Variants in PIP4K2B observed in about 807,000 individuals in gnomAD.
PIP4K2B encodes phosphatidylinositol 5-phosphate 4-kinase type-2 beta.
PIP4K2B carries 3 observed loss-of-function variants against 42.0 expected under a neutral mutation model. That is an observed-to-expected ratio of 0.07 (90% CI 0.03 to 0.18). The LOEUF (loss-of-function observed/expected upper bound fraction) is 0.18. PIP4K2B is among the 10% of genes least tolerant of loss of function. The pLI, the probability that PIP4K2B is intolerant of heterozygous loss-of-function variation, is 1.00. For synonymous variants in PIP4K2B, 204 were observed against 210.1 expected (o/e 0.97, Z 0.25); for missense variants, 332 against 562.3 (o/e 0.59, Z 4.14).
At position 38,796,485 on chromosome 17, in the gene PIP4K2B, C is replaced by A. The variant is rs113995232; in HGVS notation, c.159+2781G>T. ...AGGCCATCTCTTCCCTAATTCCAAA[C>A]CCTCGGAACTGTATTTCATCCACTA... is the stretch of plus-strand genomic sequence containing the variant. On this transcript the variant is annotated intron_variant, in intron 1 of 9. Coordinates refer to ENST00000619039, the MANE Select transcript of PIP4K2B (RefSeq NM_003559.5). 7.4e-3 allele frequency among the ~76,000 whole-genome samples: 1,130 copies of A among 152,274 alleles called. 13 individuals are homozygous for A. The highest frequency in any genetic ancestry group is 0.026 in the African/African-American group (1,071 of 41,544).
chr17:38,769,009 G>C lies in PIP4K2B; in HGVS notation c.*682C>G, dbSNP rs1339736239. ...CCTCTGAGATCTCTGATTCTGATCT[G>C]AGATCTCTGGTGTTGACCTGGTGTA... On this transcript the variant is annotated 3_prime_UTR_variant, in exon 10 of 10. Transcript: ENST00000619039. 2 of 152,664 alleles carry C rather than the reference G, an allele frequency of 1.3e-5. No individual in the cohort carries two copies. The highest frequency in any genetic ancestry group is 2.9e-5 in the Non-Finnish European group (2 of 68,084). 9.5% of individuals were successfully genotyped at this position (152,664 alleles called of 1,614,324 possible).
intron 7 of PIP4K2B, chr17:38,776,624 T>C: frequency 2.3e-6 from 1 of 444,320 alleles, no homozygotes; most frequent in Non-Finnish European, 4.5e-6. Flanking sequence ...AACGAGAATC[T>C]CCTAAAAAAA....
intron 1 of PIP4K2B, among the ~76,000 whole-genome samples, chr17:38,793,763 C>G (rs1053480579): frequency 2.0e-5 from 3 of 151,688 alleles, no homozygotes; most frequent in African/African-American, 7.3e-5. Flanking sequence ...CCCAGCTACT[C>G]GGGTGGCTAA....
chr17:38,784,072 G>A (rs1909863246), intron 3 of PIP4K2B, among the ~76,000 whole-genome samples, 171 bp downstream of exon 3: 2 of 152,138 alleles, frequency 1.3e-5, no homozygotes, highest in Non-Finnish European at 2.9e-5. Flanking sequence ...TAAGGCCCTC[G>A]CCCTGCAAGG....
intron 3 of PIP4K2B, among the ~76,000 whole-genome samples, chr17:38,781,264 T>A (rs1439759501): frequency 6.6e-6 from 1 of 151,968 alleles, no homozygotes; most frequent in Non-Finnish European, 1.5e-5. Flanking sequence ...GGAGCTTTCC[T>A]GGCTGTATCC....
intron 7 of PIP4K2B, chr17:38,776,113 G>A (rs1382639182): frequency 7.2e-6 from 3 of 415,004 alleles, no homozygotes; most frequent in Non-Finnish European, 1.4e-5. Context: ...TGGGATTACA[G>A]GCGTGCACCA....
chr17:38,794,969 G>A lies in PIP4K2B; in HGVS notation c.159+4297C>T, dbSNP rs192094937. Among the ~76,000 whole-genome samples, 12 of 151,396 alleles carry A rather than the reference G, an allele frequency of 7.9e-5. No individual in the cohort carries two copies. In the East Asian group the frequency reaches 1.6e-3, roughly 20 times the overall value. ...ACAAAAATTAGCCTGGTGTGGTGGC[G>A]GGCACCTGTAATCCCAGTTACTCAG... On this transcript the variant is annotated intron_variant, in intron 1 of 9. Transcript: ENST00000619039.
intron 9 of PIP4K2B, 23 bp downstream of exon 9, chr17:38,770,413 G>A: frequency 6.7e-7 from 1 of 1,487,692 alleles, no homozygotes; most frequent in Non-Finnish European, 9.4e-7. Context: ...GCTGGGCCCT[G>A]GATGAAGATG....
Position 38,799,537 on chromosome 17 carries a change from A to G in PIP4K2B, c.-113T>C. 8.0e-7 allele frequency: 1 copy of G among 1,244,626 alleles called. No individual in the cohort carries two copies. Among genetic ancestry groups the G allele is most frequent in the Non-Finnish European group, 1.0e-6 (1 of 992,708 alleles). 77.1% of individuals were successfully genotyped at this position (1,244,626 alleles called of 1,614,324 possible). On this transcript the variant is annotated 5_prime_UTR_variant, in exon 1 of 10. The change abolishes an upstream ATG in the 5' untranslated region. Coordinates refer to ENST00000619039, the MANE Select transcript of PIP4K2B (RefSeq NM_003559.5). This position sits in a 1 kb window ranked among gnomAD's most constrained non-coding sequence, Gnocchi z 4.4. ...CCCACCCCCGCTCCCTCACCGCGCCATGGTCGCGCCCGTCCCGTTACCTCC... is the reference window on the plus strand; with the variant it reads ...CCCACCCCCGCTCCCTCACCGCGCCGTGGTCGCGCCCGTCCCGTTACCTCC...
rs771690562 is a variant in PIP4K2B, at chr17:38,799,232, G to A, written c.159+34C>T. The A allele has an allele frequency of 6.4e-7, 1 of 1,554,228 alleles. No individual in the cohort carries two copies. Among genetic ancestry groups the A allele is most frequent in the South Asian group, 1.2e-5 (1 of 84,918 alleles). ...TGCAGGGGGCGTGGGAGCGCGCGGG[G>A]CCGCGCTCAGAGGGGCGCGCAGGAG... is the stretch of plus-strand genomic sequence containing the variant. On this transcript the variant is annotated intron_variant, in intron 1 of 9. Coordinates refer to ENST00000619039, the MANE Select transcript of PIP4K2B (RefSeq NM_003559.5). The surrounding 1 kb of genome is among the most constrained non-coding windows in gnomAD (Gnocchi z 4.4).
chr17:38,795,730 G>A (rs1326892220), intron 1 of PIP4K2B, among the ~76,000 whole-genome samples: 2 of 150,346 alleles, frequency 1.3e-5, no homozygotes, highest in Admixed American at 6.7e-5. Context: ...CAGCCTGGGC[G>A]ACAGAGCAAG....
At chr17:38,784,148 A>C (rs1392778788) in intron 3 of PIP4K2B, 95 bp downstream of exon 3, 1 of 759,934 alleles carries the variant, frequency 1.3e-6, no homozygotes. Flanking sequence ...ACACAGCACA[A>C]AAACAGCCAA....
chr17:38,783,758 G>A (rs1598051559), intron 3 of PIP4K2B, among the ~76,000 whole-genome samples: 1 of 152,030 alleles, frequency 6.6e-6, no homozygotes, highest in East Asian at 1.9e-4. Flanking sequence ...ACATCACCAT[G>A]CCCATCTAAT....
chr17:38,779,278 A>T, intron 5 of PIP4K2B, 105 bp downstream of exon 5: 1 of 1,184,638 alleles, frequency 8.4e-7, no homozygotes, highest in South Asian at 1.4e-5. Flanking sequence ...TGTCCATGCC[A>T]ACACATAGGC....
At position 38,780,467 on chromosome 17, in the gene PIP4K2B, T is replaced by C. The variant is rs1421560538; in HGVS notation, c.492A>G (p.Leu164=). The C allele has an allele frequency of 1.9e-6, 3 of 1,612,232 alleles. No homozygotes were observed. Among genetic ancestry groups the C allele is most frequent in the Non-Finnish European group, 2.5e-6 (3 of 1,178,474 alleles). The change falls in exon 4 of 10, where the codon TTA becomes TTG. Residue 164 remains leucine (L), a synonymous_variant. Transcript: ENST00000619039. ...SEDVAEMHNI[L]KKYHQFIVEC... is the part of the protein sequence containing the mutation. ...CTCACCATACCTGGTGGTATTTCTT[T>C]AAGATGTTGTGCATCTCCGCCACGT...
chr17:38,777,675 G>T lies in PIP4K2B; in HGVS notation c.807+12C>A. 6.4e-7 allele frequency: 1 copy of T among 1,556,456 alleles called. No homozygotes were observed. The highest frequency in any genetic ancestry group is 8.9e-7 in the Non-Finnish European group (1 of 1,127,370). ...AGGAGCCTTGCAGGTGAAAATGAAG[G>T]TTAGTAAGTACCTCAACGTCCCGCT... On this transcript the variant is annotated intron_variant, in intron 7 of 9. Coordinates refer to ENST00000619039, the MANE Select transcript of PIP4K2B (RefSeq NM_003559.5).
chr17:38,771,375 T>C lies in PIP4K2B; in HGVS notation c.808-103A>G, dbSNP rs115395036. 4.3e-4 allele frequency: 580 copies of C among 1,340,132 alleles called. 4 individuals carry two copies. In the African/African-American group the frequency reaches 5.8e-3, roughly 13 times the overall value. 83.0% of individuals were successfully genotyped at this position (1,340,132 alleles called of 1,614,324 possible). A position where few individuals can be genotyped will look rare whatever the true frequency, so the allele number is the denominator to read the frequency against. On this transcript the variant is annotated intron_variant, in intron 7 of 9. Coordinates refer to ENST00000619039, the MANE Select transcript of PIP4K2B (RefSeq NM_003559.5). ...AAAGGCATTCCTTTCAACTCAATTC[T>C]ACAAACAGTTTTGAAATTCAACAGA...
At chr17:38,787,232 C>T (rs1455732151) in intron 1 of PIP4K2B, among the ~76,000 whole-genome samples, 1 of 152,180 alleles carries the variant, frequency 6.6e-6, no homozygotes, top group East Asian at 1.9e-4. Context: ...GACAAGTTCT[C>T]ACTGTCCTGA....
At chr17:38,777,545 A>T in intron 7 of PIP4K2B, 142 bp downstream of exon 7, 1 of 645,320 alleles carries the variant, frequency 1.5e-6, no homozygotes, top group Non-Finnish European at 2.8e-6. Context: ...TTAGGTGCCC[A>T]TAAGTGCCCA....
Sources: gnomAD v4.1 joint callset for allele counts (sites outside exome capture counted in the v4.1 genomes callset) on GRCh38, gnomAD v4.1.1 for gene constraint, Gnocchi (gnomAD v3.1) non-coding constraint, MANE v1.5 for transcripts, NCBI Gene and HGNC (gene_info 2026-07-23, HGNC 2026-07-21) for gene names.